DGKG: variants seen among roughly 807,000 people sequenced by gnomAD.
DGKG encodes the protein DAG kinase gamma.
A neutral mutation model predicts 105.3 loss-of-function variants in DGKG; 78 were observed. The observed-to-expected ratio is 0.74, with a 90% CI of 0.62 to 0.89. The LOEUF is 0.89. Among genes scored for constraint, DGKG ranks in the 40% least tolerant of loss-of-function variants. The pLI, the probability that DGKG is intolerant of heterozygous loss-of-function variation, is 0.00. For synonymous variants in DGKG, 346 were observed against 367.1 expected (o/e 0.94, Z 0.66); for missense variants, 958 against 1,020.1 (o/e 0.94, Z 0.83).
intron 1 of DGKG, among the ~76,000 whole-genome samples, chr3:186,330,002 G>C (rs79083574): frequency 6.6e-6 from 1 of 152,154 alleles, no homozygotes; most frequent in Non-Finnish European, 1.5e-5. Flanking sequence ...CTAGAAAAAT[G>C]ATTCTCAACC....
At chr3:186,227,100 T>C (rs1405436130) in intron 20 of DGKG, among the ~76,000 whole-genome samples, 1 of 152,164 alleles carries the variant, frequency 6.6e-6, no homozygotes, top group Non-Finnish European at 1.5e-5. Flanking sequence ...ATGCTTACAC[T>C]GAGAAGGGGG....
At chr3:186,314,590 A>C (rs1408897453) in intron 2 of DGKG, among the ~76,000 whole-genome samples, 1 of 152,002 alleles carries the variant, frequency 6.6e-6, no homozygotes, top group Non-Finnish European at 1.5e-5. Flanking sequence ...CCTTGTCTCT[A>C]CTAAAAATAC....
chr3:186,297,410 C>T lies in DGKG; in HGVS notation c.373+11G>A, dbSNP rs137926222. 4.9e-3 allele frequency: 7,938 copies of T among 1,603,972 alleles called. 39 individuals carry two copies. Among genetic ancestry groups the T allele is most frequent in the South Asian group, 7.2e-3 (656 of 90,888 alleles). ...TACTTTTCCCACAAGTCTTATATTCCAAAGACTTACCAGTATCAGGGGCAC... is the reference window on the plus strand; with the variant it reads ...TACTTTTCCCACAAGTCTTATATTCTAAAGACTTACCAGTATCAGGGGCAC... On this transcript the variant is annotated intron_variant, in intron 5 of 24. Coordinates refer to ENST00000265022, the MANE Select transcript of DGKG (RefSeq NM_001346.3).
At chr3:186,240,377 G>A (rs937633921) in intron 20 of DGKG, among the ~76,000 whole-genome samples, 2 of 152,142 alleles carry the variant, frequency 1.3e-5, no homozygotes, top group Admixed American at 6.5e-5. Flanking sequence ...CCCTACATGC[G>A]TCTGTCCAAA....
Position 186,345,104 on chromosome 3 carries a change from A to G in DGKG, c.-249+16842T>C, listed in dbSNP as rs1324830695. Among the ~76,000 whole-genome samples the G allele has an allele frequency of 3.9e-5, 6 of 152,166 alleles. No homozygotes were observed. The South Asian group carries it at 8.3e-4, about 21-fold the overall frequency. The stretch of plus-strand genomic sequence containing the variant: ...ATGTACATATTTCCATGGCCATTAT[A>G]TCTTCACTGTGAATTTGATTCTTCA... On this transcript the variant is annotated intron_variant, in intron 1 of 24. Coordinates refer to ENST00000265022, the MANE Select transcript of DGKG (RefSeq NM_001346.3).
intron 17 of DGKG, 81 bp from the exon 18 acceptor site, chr3:186,253,263 A>G (rs1353171622): frequency 5.1e-5 from 56 of 1,098,650 alleles, no homozygotes; most frequent in Non-Finnish European, 7.6e-5. Flanking sequence ...CCCTGATCTG[A>G]TGCTTGAACC....
At chr3:186,162,808 C>T (rs1396009129) in intron 23 of DGKG, among the ~76,000 whole-genome samples, 4 of 152,138 alleles carry the variant, frequency 2.6e-5, no homozygotes, top group African/African-American at 7.2e-5. Context: ...TCCCAAAGTG[C>T]TGGGATTACA....
chr3:186,298,872 G>T (rs1235496544), intron 3 of DGKG, among the ~76,000 whole-genome samples: 1 of 152,192 alleles, frequency 6.6e-6, no homozygotes, highest in Non-Finnish European at 1.5e-5. Flanking sequence ...ACAAGGGTGG[G>T]TGTGTGTTTC....
At chr3:186,260,837 G>A (rs963883637) in intron 15 of DGKG, among the ~76,000 whole-genome samples, 1 of 152,244 alleles carries the variant, frequency 6.6e-6, no homozygotes, top group Non-Finnish European at 1.5e-5. Flanking sequence ...ATCCTCCACA[G>A]AGACCTTCTC....
intron 21 of DGKG, among the ~76,000 whole-genome samples, chr3:186,205,293 G>C (rs968436003): frequency 2.0e-5 from 3 of 148,628 alleles, no homozygotes; most frequent in African/African-American, 7.4e-5. Flanking sequence ...TGACCAACCT[G>C]CTCTATCAGC....
In DGKG at chr3:186,181,353, A is replaced by G. The variant is rs1717349038; in HGVS notation, c.2095+6849T>C. Reference sequence around the variant, plus strand: ...ACTCAGAGTGAACACTACCGAGGGTATCTGTCTCCCTGTCTTTGTTTACCA... The same window carrying G: ...ACTCAGAGTGAACACTACCGAGGGTGTCTGTCTCCCTGTCTTTGTTTACCA... On this transcript the variant is annotated intron_variant, in intron 22 of 24. Transcript: ENST00000265022. Among the ~76,000 whole-genome samples the G allele has an allele frequency of 2.0e-5, 3 of 152,192 alleles. No individual in the cohort carries two copies. The South Asian group carries it at 6.2e-4, about 32-fold the overall frequency.
chr3:186,197,660 G>A (rs981241047), intron 21 of DGKG, among the ~76,000 whole-genome samples: 7 of 152,156 alleles, frequency 4.6e-5, no homozygotes, highest in Admixed American at 3.3e-4. Flanking sequence ...GCTGGATGCC[G>A]TAGGGTCTCA....
intron 6 of DGKG, among the ~76,000 whole-genome samples, chr3:186,286,665 A>C (rs1436686277): frequency 2.6e-5 from 4 of 152,228 alleles, no homozygotes; most frequent in African/African-American, 9.6e-5. Context: ...CTTAAAGTTA[A>C]GGAAGGATAT....
chr3:186,288,695 AG>A lies in DGKG; in HGVS notation c.544+14del. 1 of 1,613,434 alleles carries A rather than the reference AG, an allele frequency of 6.2e-7. No individual in the cohort carries two copies. Among genetic ancestry groups the A allele is most frequent in the African/African-American group, 1.3e-5 (1 of 75,036 alleles). On this transcript the variant is annotated intron_variant, in intron 6 of 24. Coordinates refer to ENST00000265022, the MANE Select transcript of DGKG (RefSeq NM_001346.3). ...TAGGAAAAAGCTGAAGCCCCTTGAC[AG>A]GGTGAGCACTTACACTCCAGCTTAT...
intron 1 of DGKG, among the ~76,000 whole-genome samples, chr3:186,321,256 G>T (rs1441365182): frequency 6.6e-6 from 1 of 152,154 alleles, no homozygotes; most frequent in African/African-American, 2.4e-5. Context: ...CAAACACTGA[G>T]CATCTTTTCC....
intron 10 of DGKG, among the ~76,000 whole-genome samples, chr3:186,272,722 C>CT (rs994269623): frequency 1.4e-4 from 22 of 151,984 alleles, no homozygotes; most frequent in South Asian, 4.2e-4. Context: ...AAGGCCAGGG[C>CT]TTTTTTTTGT....
chr3:186,306,679 G>A (rs1724254733), intron 3 of DGKG: 3 of 492,318 alleles, frequency 6.1e-6, no homozygotes, highest in Admixed American at 3.8e-5. Context: ...TGAGAGATGA[G>A]CAGAGGAGAA....
At chr3:186,170,348 C>T (rs1401309958) in intron 22 of DGKG, among the ~76,000 whole-genome samples, 5 of 152,092 alleles carry the variant, frequency 3.3e-5, no homozygotes, top group African/African-American at 4.8e-5. Context: ...GGTCCTGGAC[C>T]GGCAGCCTCA....
intron 1 of DGKG, among the ~76,000 whole-genome samples, chr3:186,359,207 T>C (rs1727116974): frequency 6.6e-6 from 1 of 152,188 alleles, no homozygotes; most frequent in African/African-American, 2.4e-5. Context: ...TGTACCCTTT[T>C]TGAAAAGTGG....
Sources: allele counts gnomAD v4.1 joint callset (sites outside exome capture counted in the v4.1 genomes callset), GRCh38; gene constraint gnomAD v4.1.1; transcripts MANE v1.5; gene names NCBI Gene and HGNC (gene_info 2026-07-23, HGNC 2026-07-21).